GPC5: variants seen among roughly 807,000 people sequenced by gnomAD.
GPC5 encodes the protein glypican-5.
Under a neutral mutation model 53.9 loss-of-function variants are expected in GPC5, and 47 were observed. The ratio of observed to expected loss-of-function variants is 0.87; its 90% CI spans 0.69 to 1.11. GPC5 has a LOEUF of 1.11. Among genes scored for constraint, GPC5 ranks in the 50% most tolerant of loss-of-function variants. GPC5 has a pLI of 0.00. For synonymous variants in GPC5, 286 were observed against 263.3 expected, an observed-to-expected ratio of 1.09 and a Z score of -0.84; for missense variants, 748 against 713.1, an observed-to-expected ratio of 1.05 and a Z score of -0.56.
chr13:92,466,364 C>A (rs979206470), intron 7 of GPC5, among the ~76,000 whole-genome samples: 1 of 152,046 alleles, frequency 6.6e-6, no homozygotes, highest in East Asian at 1.9e-4. Flanking sequence ...ACTCCAGGTC[C>A]CTCCTAGTTA....
At chr13:92,641,581 T>G (rs1025061719) in intron 7 of GPC5, among the ~76,000 whole-genome samples, 1 of 152,236 alleles carries the variant, frequency 6.6e-6, no homozygotes, top group Non-Finnish European at 1.5e-5. Context: ...TGAGGATATT[T>G]AATTCAGTCT....
chr13:92,751,316 A>AAAAAAAC (rs1889388857), intron 7 of GPC5, among the ~76,000 whole-genome samples: 1 of 145,540 alleles, frequency 6.9e-6, no homozygotes, highest in East Asian at 2.0e-4. Flanking sequence ...AAAAAAAAAA[A>AAAAAAAC]AAAAAAAAAA....
At chr13:91,912,560 G>A (rs376567855) in intron 6 of GPC5, among the ~76,000 whole-genome samples, 97 of 152,148 alleles carry the variant, frequency 6.4e-4, no homozygotes, top group African/African-American at 2.3e-3. Context: ...TAAGATCATA[G>A]GGTACATTTG....
intron 2 of GPC5, among the ~76,000 whole-genome samples, chr13:91,494,804 C>A (rs941979766): frequency 1.3e-5 from 2 of 152,142 alleles, no homozygotes; most frequent in Non-Finnish European, 1.5e-5. Flanking sequence ...GCCTTAGAAT[C>A]TTTTTCTGAT....
chr13:91,712,698 T>C (rs564345477), intron 3 of GPC5, among the ~76,000 whole-genome samples: 1 of 152,310 alleles, frequency 6.6e-6, no homozygotes, highest in Admixed American at 6.5e-5. Context: ...ATTGGCTTTT[T>C]CATACACTGA....
chr13:91,826,849 A>G (rs374626638), intron 5 of GPC5, among the ~76,000 whole-genome samples: 5 of 152,216 alleles, frequency 3.3e-5, no homozygotes, highest in East Asian at 1.9e-4. Flanking sequence ...ATGTCACACC[A>G]TACAAATCAA....
At chr13:92,809,584 C>T (rs142318214) in intron 7 of GPC5, among the ~76,000 whole-genome samples, 7 of 152,286 alleles carry the variant, frequency 4.6e-5, no homozygotes, top group Admixed American at 6.5e-5. Flanking sequence ...CCATGTTCCA[C>T]GTACATTCAC....
intron 1 of GPC5, among the ~76,000 whole-genome samples, chr13:91,445,560 C>CA (rs1394896299): frequency 7.9e-5 from 12 of 152,340 alleles, no homozygotes; most frequent in African/African-American, 2.2e-4. Flanking sequence ...CAGCAACCTT[C>CA]ATCTCCCAGC....
At chr13:92,692,654 C>T (rs1887436109) in intron 7 of GPC5, among the ~76,000 whole-genome samples, 4 of 149,706 alleles carry the variant, frequency 2.7e-5, no homozygotes, top group Admixed American at 1.3e-4. Context: ...ACATTGTGCA[C>T]ATGTACCCTA....
chr13:91,438,704 T>G (rs980261143), intron 1 of GPC5, among the ~76,000 whole-genome samples: 2 of 152,182 alleles, frequency 1.3e-5, no homozygotes, highest in Non-Finnish European at 2.9e-5. Flanking sequence ...ACAGGGACAT[T>G]TAAGTCTGCA....
chr13:92,550,945 C>A (rs915181138), intron 7 of GPC5, among the ~76,000 whole-genome samples: 1 of 151,774 alleles, frequency 6.6e-6, no homozygotes, highest in African/African-American at 2.4e-5. Flanking sequence ...GGATTAATAT[C>A]CCTACCGATG....
intron 6 of GPC5, among the ~76,000 whole-genome samples, chr13:91,926,358 CT>C (rs2039767653): frequency 1.9e-5 from 2 of 105,216 alleles, no homozygotes; most frequent in Non-Finnish European, 1.9e-5. Context: ...GAGACTCCAC[CT>C]AAAAAAAAAA....
intron 5 of GPC5, among the ~76,000 whole-genome samples, chr13:91,789,861 G>T (rs1213476178): frequency 6.6e-6 from 1 of 152,066 alleles, no homozygotes; most frequent in Non-Finnish European, 1.5e-5. Context: ...TTCTGGTAAG[G>T]GCTTCGTGCT....
At chr13:91,764,788 C>T (rs570958358) in intron 5 of GPC5, among the ~76,000 whole-genome samples, 4 of 152,164 alleles carry the variant, frequency 2.6e-5, no homozygotes, top group East Asian at 1.9e-4. Context: ...TGGCAGGTTT[C>T]GAGCTGGGGA....
chr13:92,291,304 C>A (rs569472425), intron 7 of GPC5, among the ~76,000 whole-genome samples: 2 of 152,216 alleles, frequency 1.3e-5, no homozygotes, highest in Non-Finnish European at 2.9e-5. Flanking sequence ...GCCAGCTGGG[C>A]TCCTGAGTCT....
At chr13:92,200,269 C>T (rs1181013865) in intron 7 of GPC5, among the ~76,000 whole-genome samples, 1 of 152,094 alleles carries the variant, frequency 6.6e-6, no homozygotes, top group Non-Finnish European at 1.5e-5. Context: ...GTGTTTTATT[C>T]ACATCTATGA....
At position 91,407,991 on chromosome 13, in the gene GPC5, T is replaced by C. The variant is rs572463421; in HGVS notation, c.163+8782T>C. The stretch of plus-strand genomic sequence containing the variant: ...GGTTTGAAGCACAGTACAGATGCAT[T>C]GTGGAATGGTTAAATCTAGCTAATT... On this transcript the variant is annotated intron_variant, in intron 1 of 7. Coordinates refer to ENST00000377067, the MANE Select transcript of GPC5 (RefSeq NM_004466.6). 1.2e-3 allele frequency among the ~76,000 whole-genome samples: 182 copies of C among 152,304 alleles called. No homozygotes were observed. In the Middle Eastern group the frequency reaches 0.024, roughly 20 times the overall value.
At chr13:91,791,465 G>A (rs1253855379) in intron 5 of GPC5, among the ~76,000 whole-genome samples, 1 of 152,152 alleles carries the variant, frequency 6.6e-6, no homozygotes, top group African/African-American at 2.4e-5. Flanking sequence ...AGCTTGTAAG[G>A]AAGCCTAGGA....
At chr13:91,523,477 GA>G (rs1327335810) in intron 2 of GPC5, among the ~76,000 whole-genome samples, 1 of 152,188 alleles carries the variant, frequency 6.6e-6, no homozygotes, top group Non-Finnish European at 1.5e-5. Flanking sequence ...CCACCACGGA[GA>G]GACAAATACT....
Sources: gnomAD v4.1 joint callset for allele counts (sites outside exome capture counted in the v4.1 genomes callset) on GRCh38, gnomAD v4.1.1 for gene constraint, MANE v1.5 for transcripts, NCBI Gene and HGNC (gene_info 2026-07-23, HGNC 2026-07-21) for gene names.